MB21D2: variants seen among roughly 807,000 people sequenced by gnomAD.
MB21D2 encodes the protein Mab-21 domain containing 2.
A neutral mutation model predicts 33.3 loss-of-function variants in MB21D2; 9 were observed. The ratio of observed to expected loss-of-function variants is 0.27; its 90% CI spans 0.16 to 0.47. The LOEUF (loss-of-function observed/expected upper bound fraction) is 0.47. MB21D2 is among the 20% of genes least tolerant of loss of function. MB21D2 has a pLI of 0.99. For synonymous variants in MB21D2, 241 were observed against 236.3 expected (o/e 1.02, Z -0.18); for missense variants, 540 against 624.6 (o/e 0.86, Z 1.44).
intron 1 of MB21D2, among the ~76,000 whole-genome samples, chr3:192,883,256 A>T (rs1194159593): frequency 6.6e-6 from 1 of 152,004 alleles, no homozygotes; most frequent in Non-Finnish European, 1.5e-5. Context: ...TCTTTGAACC[A>T]CTTTAGCTTC....
At chr3:192,891,638 C>T (rs1242505210) in intron 1 of MB21D2, among the ~76,000 whole-genome samples, 1 of 152,070 alleles carries the variant, frequency 6.6e-6, no homozygotes, top group Non-Finnish European at 1.5e-5. Flanking sequence ...TAGCAAACAG[C>T]CAATACATGT....
intron 1 of MB21D2, among the ~76,000 whole-genome samples, chr3:192,884,898 T>C (rs192016842): frequency 6.6e-6 from 1 of 152,224 alleles, no homozygotes; most frequent in Admixed American, 6.5e-5. Flanking sequence ...GTCATTCCTA[T>C]TCTACAGAGG....
At chr3:192,808,622 G>A (rs1711716289) in intron 1 of MB21D2, among the ~76,000 whole-genome samples, 1 of 152,204 alleles carries the variant, frequency 6.6e-6, no homozygotes, top group Admixed American at 6.5e-5. Context: ...AGCAGGGATG[G>A]AGTCTCAGTA....
rs559255654 is a variant in MB21D2, at chr3:192,810,996, T to G, written c.212-11346A>C. Among the ~76,000 whole-genome samples the G allele has an allele frequency of 5.3e-4, 80 of 152,184 alleles. 1 individual carries two copies. The South Asian group carries it at 0.016, about 31-fold the overall frequency. On this transcript the variant is annotated intron_variant, in intron 1 of 1. Transcript: ENST00000392452. ...CAGCTGTGACAGGCAGTCCCCGAGA[T>G]GTTCCCAGCCCCTCTCCTCAAGTGC...
intron 1 of MB21D2, among the ~76,000 whole-genome samples, chr3:192,864,195 A>G (rs1232259024): frequency 6.6e-6 from 1 of 152,226 alleles, no homozygotes; most frequent in Non-Finnish European, 1.5e-5. Flanking sequence ...AAGGTAGGGA[A>G]GTACTTTCTA....
chr3:192,861,464 T>A (rs1713039871), intron 1 of MB21D2, among the ~76,000 whole-genome samples: 2 of 152,222 alleles, frequency 1.3e-5, no homozygotes, highest in Admixed American at 6.5e-5. Context: ...TGGGTCCTGT[T>A]CTGATAAGGT....
chr3:192,864,130 T>G (rs751896604), intron 1 of MB21D2, among the ~76,000 whole-genome samples: 29 of 152,204 alleles, frequency 1.9e-4, no homozygotes, highest in Non-Finnish European at 1.5e-4. Context: ...GAAAGCTTTC[T>G]GTAAAGTTTA....
chr3:192,880,331 T>C (rs1713533075), intron 1 of MB21D2, among the ~76,000 whole-genome samples: 1 of 151,792 alleles, frequency 6.6e-6, no homozygotes, highest in Admixed American at 6.6e-5. Flanking sequence ...TGGGTGACAG[T>C]GTGAGAATCC....
intron 1 of MB21D2, among the ~76,000 whole-genome samples, chr3:192,898,911 T>G (rs2886870): frequency 0.6 from 90,492 of 152,036 alleles, 27,252 homozygotes; most frequent in African/African-American, 0.65. Context: ...GAGATGGGGC[T>G]TTCCATCAAA....
At chr3:192,873,614 T>C (rs1311411300) in intron 1 of MB21D2, among the ~76,000 whole-genome samples, 1 of 152,194 alleles carries the variant, frequency 6.6e-6, no homozygotes, top group Admixed American at 6.5e-5. Context: ...CCTCTCTTGT[T>C]ATCCCTCCTC....
intron 1 of MB21D2, among the ~76,000 whole-genome samples, chr3:192,851,328 T>C (rs1031769060): frequency 6.6e-6 from 1 of 151,936 alleles, no homozygotes; most frequent in African/African-American, 2.4e-5. Flanking sequence ...GAAAGGAGAT[T>C]TGTGTCTGCC....
chr3:192,806,401 G>A (rs934242303), intron 1 of MB21D2, among the ~76,000 whole-genome samples: 1 of 152,082 alleles, frequency 6.6e-6, no homozygotes, highest in Non-Finnish European at 1.5e-5. Flanking sequence ...TTCATATCCT[G>A]CAAATAGTAT....
At chr3:192,841,706 G>C (rs191503283) in intron 1 of MB21D2, among the ~76,000 whole-genome samples, 140 of 152,336 alleles carry the variant, frequency 9.2e-4, no homozygotes, top group Non-Finnish European at 1.7e-3. Context: ...GGAAACTATG[G>C]GAGATAATAT....
Position 192,917,700 on chromosome 3 carries a change from G to T in MB21D2, c.141C>A (p.Asp47Glu). The part of the protein sequence containing the change: ...NKLIQEFTKH[D>E]QREYDDQRAL... The stretch of plus-strand genomic sequence containing the variant: ...CTCTCTGGTCGTCGTATTCCCGCTG[G>T]TCGTGCTTCGTAAATTCTTGGATGA... The change falls in exon 1 of 2, where the codon GAC becomes GAA. Residue 47 changes from aspartate to glutamate, a missense_variant. Coordinates refer to ENST00000392452, the MANE Select transcript of MB21D2 (RefSeq NM_178496.4). 6.2e-7 allele frequency: 1 copy of T among 1,614,122 alleles called. No homozygotes were observed. The highest frequency in any genetic ancestry group is 8.5e-7 in the Non-Finnish European group (1 of 1,180,024).
chr3:192,804,434 C>G (rs1165422016), intron 1 of MB21D2, among the ~76,000 whole-genome samples: 2 of 135,974 alleles, frequency 1.5e-5, no homozygotes, highest in African/African-American at 5.4e-5. Flanking sequence ...GATACACACA[C>G]ACACACACAC....
chr3:192,876,541 T>C (rs1713431008), intron 1 of MB21D2, among the ~76,000 whole-genome samples: 1 of 152,194 alleles, frequency 6.6e-6, no homozygotes, highest in Non-Finnish European at 1.5e-5. Context: ...GCCACAGTGG[T>C]TGGTCTTCCA....
chr3:192,863,420 C>T (rs1316279884), intron 1 of MB21D2, among the ~76,000 whole-genome samples: 1 of 152,192 alleles, frequency 6.6e-6, no homozygotes, highest in African/African-American at 2.4e-5. Context: ...CGGTTGTTTT[C>T]CAAGTGGGAA....
At chr3:192,820,196 C>A (rs1486936879) in intron 1 of MB21D2, among the ~76,000 whole-genome samples, 2 of 151,756 alleles carry the variant, frequency 1.3e-5, no homozygotes, top group Non-Finnish European at 2.9e-5. Context: ...AAGTACACAC[C>A]CCCCAGAAAC....
chr3:192,887,407 A>G (rs1350123746), intron 1 of MB21D2, among the ~76,000 whole-genome samples: 1 of 152,162 alleles, frequency 6.6e-6, no homozygotes, highest in East Asian at 1.9e-4. Flanking sequence ...AGAGTTCTTG[A>G]AATTGATTGC....
Sources: gnomAD v4.1 joint callset for allele counts (sites outside exome capture counted in the v4.1 genomes callset) on GRCh38, gnomAD v4.1.1 for gene constraint, MANE v1.5 for transcripts, NCBI Gene and HGNC (gene_info 2026-07-23, HGNC 2026-07-21) for gene names.